HSD17B12: variants seen among roughly 807,000 people sequenced by gnomAD.
HSD17B12 encodes the protein hydroxysteroid 17-beta dehydrogenase 12.
In HSD17B12, 32 loss-of-function variants were observed where a neutral mutation model predicts 39.3. The observed-to-expected ratio is 0.81, with a 90% CI of 0.61 to 1.09. The LOEUF is 1.09. Among genes scored for constraint, HSD17B12 ranks in the 50% least tolerant of loss-of-function variants. The pLI is 0.00. For synonymous variants in HSD17B12, 150 were observed against 146.7 expected (o/e 1.02, Z -0.16); for missense variants, 342 against 382.9 (o/e 0.89, Z 0.89).
intron 1 of HSD17B12, among the ~76,000 whole-genome samples, chr11:43,730,758 G>T (rs1479590019): frequency 6.6e-6 from 1 of 152,130 alleles, no homozygotes; most frequent in Non-Finnish European, 1.5e-5. Context: ...GCATCAGTAT[G>T]CTTAAACACA....
intron 3 of HSD17B12, among the ~76,000 whole-genome samples, chr11:43,765,739 G>A (rs185685358): frequency 6.6e-6 from 1 of 152,116 alleles, no homozygotes; most frequent in African/African-American, 2.4e-5. Context: ...TTTTTCTGCA[G>A]TGTCTAATCT....
chr11:43,657,446 G>T, the HSD17B12 span, among the ~76,000 whole-genome samples: 1 of 152,196 alleles, frequency 6.6e-6, no homozygotes, highest in Non-Finnish European at 1.5e-5. Context: ...CTGTCACTAT[G>T]ATGTTAGCTG....
At chr11:43,668,589 A>G in the HSD17B12 span, among the ~76,000 whole-genome samples, 1 of 152,184 alleles carries the variant, frequency 6.6e-6, no homozygotes, top group Non-Finnish European at 1.5e-5. Flanking sequence ...TTAAAAATTT[A>G]TATAGAAACT....
At chr11:43,682,616 A>G (rs1012212100) in intron 1 of HSD17B12, among the ~76,000 whole-genome samples, 25 of 151,618 alleles carry the variant, frequency 1.6e-4, no homozygotes, top group African/African-American at 5.8e-4. Flanking sequence ...TGATTTCCCA[A>G]TTGACTTGCC....
the HSD17B12 span, among the ~76,000 whole-genome samples, chr11:43,675,443 G>A: frequency 6.6e-6 from 1 of 152,154 alleles, no homozygotes; most frequent in South Asian, 2.1e-4. Flanking sequence ...CTTATTTGAG[G>A]AACTGCAAGG....
chr11:43,622,851 G>A, the HSD17B12 span, among the ~76,000 whole-genome samples: 3 of 151,762 alleles, frequency 2.0e-5, no homozygotes, highest in African/African-American at 7.3e-5. Flanking sequence ...ACATAATCGA[G>A]GTAAGCCCAA....
chr11:43,702,750 C>T (rs1307237277), intron 1 of HSD17B12, among the ~76,000 whole-genome samples: 1 of 152,080 alleles, frequency 6.6e-6, no homozygotes, highest in Non-Finnish European at 1.5e-5. Context: ...CCCAGGATGG[C>T]TTTGAATTGT....
chr11:43,675,505 C>T, the HSD17B12 span, among the ~76,000 whole-genome samples: 98 of 151,930 alleles, frequency 6.5e-4, 1 homozygote, highest in African/African-American at 2.1e-3. Flanking sequence ...TCCGTGTTGC[C>T]GGAGAGGTCA....
intron 3 of HSD17B12, among the ~76,000 whole-genome samples, chr11:43,757,648 A>AC (rs1565077076): frequency 3.6e-5 from 5 of 140,074 alleles, no homozygotes; most frequent in Non-Finnish European, 6.1e-5. Context: ...TCAAAAAAAA[A>AC]AAAAAAAAAA....
the HSD17B12 span, among the ~76,000 whole-genome samples, chr11:43,636,104 T>G: frequency 6.6e-6 from 1 of 152,206 alleles, no homozygotes; most frequent in South Asian, 2.1e-4. Flanking sequence ...AAGTCCCACT[T>G]TTGTTTAAAC....
rs576467822 is a variant in HSD17B12 at position 43,838,066 on chromosome 11, A to T, written c.537-251A>T. On this transcript the variant is annotated intron_variant, in intron 7 of 10. Coordinates refer to ENST00000278353, the MANE Select transcript of HSD17B12 (RefSeq NM_016142.3). The stretch of plus-strand genomic sequence containing the variant: ...TCAACTCGAGGAGACTGGAGATCTG[A>T]TCTGGTTATGCCCTGGGTTACTAAG... 1.1e-3 allele frequency: 500 copies of T among 470,554 alleles called. 1 individual carries two copies. The Middle Eastern group carries it at 0.012, about 11-fold the overall frequency. The allele number at this position is 470,554 out of a possible 1,614,324, so 29.1% of individuals were successfully genotyped here.
At chr11:43,845,422 C>T (rs1951465991) in intron 9 of HSD17B12, among the ~76,000 whole-genome samples, 2 of 152,248 alleles carry the variant, frequency 1.3e-5, no homozygotes, top group Admixed American at 1.3e-4. Context: ...TCTTCCTCCA[C>T]TAAAGAATGC....
At chr11:43,626,816 G>A in the HSD17B12 span, among the ~76,000 whole-genome samples, 2 of 151,616 alleles carry the variant, frequency 1.3e-5, no homozygotes, top group African/African-American at 4.8e-5. Context: ...GCATTTTATG[G>A]GTTTAAAAAA....
At chr11:43,842,052 T>G (rs532347413) in intron 9 of HSD17B12, among the ~76,000 whole-genome samples, 3 of 152,282 alleles carry the variant, frequency 2.0e-5, no homozygotes, top group African/African-American at 7.2e-5. Flanking sequence ...GACTCAAATC[T>G]GGGTCTGTTT....
chr11:43,776,006 CGTT>C, intron 3 of HSD17B12, among the ~76,000 whole-genome samples: 1 of 151,696 alleles, frequency 6.6e-6, no homozygotes, highest in Admixed American at 6.6e-5. Flanking sequence ...TCCAGTCTAT[CGTT>C]GGACATTTGG....
intron 1 of HSD17B12, among the ~76,000 whole-genome samples, chr11:43,694,988 C>T (rs1310639740): frequency 6.6e-6 from 1 of 151,998 alleles, no homozygotes; most frequent in Non-Finnish European, 1.5e-5. Flanking sequence ...CCAGCCTGGC[C>T]TGGTCTAGTA....
At chr11:43,728,501 T>C (rs980659147) in intron 1 of HSD17B12, among the ~76,000 whole-genome samples, 5 of 152,156 alleles carry the variant, frequency 3.3e-5, no homozygotes, top group African/African-American at 1.2e-4. Flanking sequence ...AGAAAAATTA[T>C]TTATATTCCT....
chr11:43,824,047 AG>A (rs1177196605), intron 6 of HSD17B12, among the ~76,000 whole-genome samples: 1 of 142,734 alleles, frequency 7.0e-6, no homozygotes, highest in Non-Finnish European at 1.6e-5. Context: ...TTTTACACCG[AG>A]ATTTCTAACT....
intron 3 of HSD17B12, among the ~76,000 whole-genome samples, chr11:43,796,498 G>A (rs959745161): frequency 2.6e-5 from 4 of 152,190 alleles, no homozygotes; most frequent in Non-Finnish European, 5.9e-5. Context: ...ACTTGTACCA[G>A]AAGCCATTTG....
Sources: gnomAD v4.1 joint callset for allele counts (sites outside exome capture counted in the v4.1 genomes callset) on GRCh38, gnomAD v4.1.1 for gene constraint, MANE v1.5 for transcripts, NCBI Gene and HGNC (gene_info 2026-07-23, HGNC 2026-07-21) for gene names.